The following NAV3 variants were observed in gnomAD, a reference collection of about 807,000 sequenced individuals.
The protein encoded by NAV3 is neuron navigator 3, also known as pore membrane and/or filament interacting like protein 1.
In NAV3, 87 loss-of-function variants were observed where a neutral mutation model predicts 244.7. That is an observed-to-expected ratio of 0.36 (90% CI 0.30 to 0.42). NAV3 has a LOEUF of 0.42. NAV3 is among the 20% of genes least tolerant of loss of function. The probability of loss-of-function intolerance (pLI) is 1.00; values close to 1 mark genes in which losing one functional copy is unlikely to be tolerated. For synonymous variants in NAV3, 1,126 were observed against 1,042.2 expected, an observed-to-expected ratio of 1.08 and a Z score of -1.55; for missense variants, 2,663 against 2,893.3, an observed-to-expected ratio of 0.92 and a Z score of 1.83.
chr12:77,867,914 A>G (rs1049371306), intron 1 of NAV3, among the ~76,000 whole-genome samples: 5 of 152,212 alleles, frequency 3.3e-5, no homozygotes, highest in Admixed American at 6.5e-5. Context: ...GGGCCCCTCA[A>G]GTATGGACAA....
intron 3 of NAV3, among the ~76,000 whole-genome samples, chr12:77,962,964 C>G (rs1425848374): frequency 6.6e-6 from 1 of 152,130 alleles, no homozygotes; most frequent in East Asian, 1.9e-4. Context: ...TGAAGTTATT[C>G]TAATTAAAAT....
intron 12 of NAV3, among the ~76,000 whole-genome samples, chr12:78,084,706 T>C (rs1466102606): frequency 6.6e-6 from 1 of 152,128 alleles, no homozygotes; most frequent in Non-Finnish European, 1.5e-5. Context: ...CCATTCAGTG[T>C]TTTACCCCAT....
chr12:77,764,813 A>C (rs1453789926), intron 2 of NAV3, among the ~76,000 whole-genome samples: 1 of 152,228 alleles, frequency 6.6e-6, no homozygotes, highest in Non-Finnish European at 1.5e-5. Flanking sequence ...ATGTCAGTGT[A>C]TAGGTGACAT....
At chr12:78,159,109 C>G in intron 22 of NAV3, 94 bp from the exon 23 acceptor site, 1 of 947,394 alleles carries the variant, frequency 1.1e-6, no homozygotes, top group South Asian at 1.6e-5. Flanking sequence ...AGAGTTGGAA[C>G]ACATGAAATT....
intron 12 of NAV3, among the ~76,000 whole-genome samples, chr12:78,092,374 G>A (rs1222477414): frequency 1.3e-5 from 2 of 151,862 alleles, no homozygotes; most frequent in East Asian, 3.9e-4. Flanking sequence ...GATATTGAGG[G>A]AGGGCCATAG....
intron 2 of NAV3, among the ~76,000 whole-genome samples, chr12:77,578,208 T>C (rs1869183922): frequency 1.3e-5 from 2 of 152,198 alleles, no homozygotes; most frequent in South Asian, 4.1e-4. Context: ...AGCATCACTG[T>C]CATCTGGGAG....
chr12:77,602,811 G>A (rs1870498966), intron 2 of NAV3, among the ~76,000 whole-genome samples: 1 of 151,922 alleles, frequency 6.6e-6, no homozygotes, highest in Admixed American at 6.6e-5. Flanking sequence ...AATTCCCCAA[G>A]GGTCTAATCA....
In NAV3 at chr12:78,006,736, C is replaced by G. The variant is rs182114538; in HGVS notation, c.1198C>G (p.Pro400Ala). Residue 400 changes from proline (P) to alanine (A), a missense_variant, in exon 8 of 40, where the codon CCG (proline) becomes GCG (alanine). Physicochemically the swap from Pro to Ala is conservative, Grantham distance 27. This residue lies in a region of NAV3 where 1,521 missense variants were observed against 1,497.0 expected (regional missense o/e 1.02). Coordinates refer to ENST00000397909, the MANE Select transcript of NAV3 (RefSeq NM_001024383.2). ...CAATGCCCGGACTGCTTTACGCCCC[C>G]CGCAGCCTCCCAGTTCAGGACCTAG... ...LVNARTALRP[P>A]QPPSSGPSDG... 8.1e-6 allele frequency: 13 copies of G among 1,614,054 alleles called. No homozygotes were observed. In the African/African-American group the frequency reaches 1.3e-4, roughly 17 times the overall value.
chr12:77,815,451 CA>C (rs1872492491), intron 2 of NAV3, among the ~76,000 whole-genome samples: 1 of 152,132 alleles, frequency 6.6e-6, no homozygotes, highest in Non-Finnish European at 1.5e-5. Context: ...TTCAGGAGCA[CA>C]CAGTAAATAT....
At chr12:78,061,575 T>C (rs1403507536) in intron 12 of NAV3, among the ~76,000 whole-genome samples, 1 of 152,074 alleles carries the variant, frequency 6.6e-6, no homozygotes, top group Non-Finnish European at 1.5e-5. Flanking sequence ...AGAAGGTTTT[T>C]AAAAAAATTA....
intron 12 of NAV3, among the ~76,000 whole-genome samples, chr12:78,092,449 A>G (rs902917649): frequency 6.6e-6 from 1 of 151,386 alleles, no homozygotes; most frequent in Non-Finnish European, 1.5e-5. Flanking sequence ...TTCTAATACC[A>G]GAAAGAAACT....
chr12:78,098,493 T>C (rs1954370651), intron 12 of NAV3, among the ~76,000 whole-genome samples: 1 of 151,778 alleles, frequency 6.6e-6, no homozygotes, highest in South Asian at 2.1e-4. Context: ...AATAGTTGTC[T>C]AAAAAGGGAT....
At chr12:77,585,065 A>G (rs1027289434) in intron 2 of NAV3, among the ~76,000 whole-genome samples, 3 of 152,160 alleles carry the variant, frequency 2.0e-5, no homozygotes, top group African/African-American at 7.2e-5. Flanking sequence ...TCACATGTCT[A>G]TGCCATTGTT....
At chr12:77,800,048 T>C (rs1260441174) in intron 2 of NAV3, among the ~76,000 whole-genome samples, 4 of 152,200 alleles carry the variant, frequency 2.6e-5, no homozygotes, top group Non-Finnish European at 5.9e-5. Flanking sequence ...TTCATAAAGA[T>C]ATAACTTAGT....
intron 9 of NAV3, among the ~76,000 whole-genome samples, chr12:78,022,961 A>G (rs1051876925): frequency 3.3e-5 from 5 of 152,192 alleles, no homozygotes; most frequent in African/African-American, 1.2e-4. Flanking sequence ...TAATGCCAAG[A>G]CACAGATATA....
At chr12:77,672,314 C>T (rs537381993) in intron 2 of NAV3, among the ~76,000 whole-genome samples, 1 of 152,166 alleles carries the variant, frequency 6.6e-6, no homozygotes, top group African/African-American at 2.4e-5. Context: ...ACTAGTAAAA[C>T]CATTACGGAA....
chr12:77,713,645 C>T (rs530487069), intron 2 of NAV3, among the ~76,000 whole-genome samples: 35 of 152,262 alleles, frequency 2.3e-4, no homozygotes, highest in African/African-American at 7.9e-4. Flanking sequence ...CTTCCTTAAA[C>T]TTTTTGTGTA....
At chr12:77,941,212 T>A in intron 3 of NAV3, 79 bp downstream of exon 3, 2 of 917,296 alleles carry the variant, frequency 2.2e-6, no homozygotes, top group Non-Finnish European at 3.4e-6. Context: ...TGGATATTAT[T>A]TTTTTTCTGC....
At chr12:77,582,827 G>C (rs1450141312) in intron 2 of NAV3, among the ~76,000 whole-genome samples, 1 of 152,164 alleles carries the variant, frequency 6.6e-6, no homozygotes, top group African/African-American at 2.4e-5. Context: ...ATGGGAACCG[G>C]GGCCTGTCAC....
Sources: allele counts gnomAD v4.1 joint callset (sites outside exome capture counted in the v4.1 genomes callset), GRCh38; gene constraint gnomAD v4.1.1; regional missense constraint gnomAD v4.1.1; transcripts MANE v1.5; gene names NCBI Gene and HGNC (gene_info 2026-07-23, HGNC 2026-07-21).